The following MMP26 variants were observed in gnomAD, a reference collection of about 807,000 sequenced individuals.
The protein encoded by MMP26 is matrix metallopeptidase 26, also known as matrix metalloproteinase-26.
Under a neutral mutation model 31.0 loss-of-function variants are expected in MMP26, and 33 were observed. That is an observed-to-expected ratio of 1.06 (90% CI 0.81 to 1.42). MMP26 has a LOEUF of 1.42. MMP26 is among the 40% of genes most tolerant of loss of function. The probability of loss-of-function intolerance (pLI) is 0.00; values close to 1 mark genes in which losing one functional copy is unlikely to be tolerated. For missense variants in MMP26, 347 were observed against 316.1 expected, an observed-to-expected ratio of 1.10 and a Z score of -0.74; for synonymous variants, 122 against 114.9, an observed-to-expected ratio of 1.06 and a Z score of -0.40.
chr11:4,967,955 A>G (rs910513099), intron 2 of MMP26, among the ~76,000 whole-genome samples: 1 of 152,160 alleles, frequency 6.6e-6, no homozygotes, highest in Non-Finnish European at 1.5e-5. Context: ...AAAATAGGAC[A>G]TTGAAAGAAT....
intron 2 of MMP26, among the ~76,000 whole-genome samples, chr11:4,852,907 G>C (rs187355787): frequency 9.3e-4 from 141 of 152,258 alleles, no homozygotes; most frequent in African/African-American, 3.3e-3. Context: ...GCAACAGCAT[G>C]GATAAATATG....
intron 2 of MMP26, among the ~76,000 whole-genome samples, chr11:4,799,868 G>T (rs748370908): frequency 1.3e-5 from 2 of 152,312 alleles, no homozygotes; most frequent in South Asian, 4.1e-4. Context: ...AAACCTTAAA[G>T]CTCCAAAATA....
chr11:4,727,200 A>G (rs571642130), intron 1 of MMP26, among the ~76,000 whole-genome samples: 1 of 152,242 alleles, frequency 6.6e-6, no homozygotes, highest in South Asian at 2.1e-4. Context: ...AAAAACAAAA[A>G]CAAAAACTCC....
intron 2 of MMP26, among the ~76,000 whole-genome samples, chr11:4,984,116 T>C (rs1305452731): frequency 6.6e-6 from 1 of 152,146 alleles, no homozygotes; most frequent in Non-Finnish European, 1.5e-5. Flanking sequence ...TGGGGCATAC[T>C]GGGAGTTCCA....
intron 2 of MMP26, chr11:4,908,506 G>T (rs1235894852): frequency 1.8e-5 from 11 of 597,226 alleles, no homozygotes; most frequent in Middle Eastern, 4.4e-4. Context: ...AAGATATAGA[G>T]GTTTAATTAA....
At chr11:4,712,501 C>T (rs1486543631) in intron 1 of MMP26, 2 of 152,070 alleles carry the variant, frequency 1.3e-5, no homozygotes, top group Non-Finnish European at 2.9e-5. Flanking sequence ...AATATGCACT[C>T]ATTTCTAAGC....
intron 2 of MMP26, among the ~76,000 whole-genome samples, chr11:4,885,257 A>T (rs898966161): frequency 1.3e-5 from 2 of 152,102 alleles, no homozygotes; most frequent in African/African-American, 4.8e-5. Context: ...GAATGTGTTG[A>T]GAAATAGAAA....
In MMP26 at chr11:4,930,579, T is replaced by A. The variant is rs117273810; in HGVS notation, c.-144-57489T>A. ...TTCTGCCCCTTCTACTGCACACATA[T>A]AAAGACTTTGCCTTACTATGTCTTT... On this transcript the variant is annotated intron_variant, in intron 2 of 7. Transcript: ENST00000380390. 1.6e-3 allele frequency among the ~76,000 whole-genome samples: 241 copies of A among 152,182 alleles called. 3 individuals are homozygous for A. The East Asian group carries it at 0.024, about 15-fold the overall frequency.
At chr11:4,727,533 G>A (rs1210350958) in intron 1 of MMP26, among the ~76,000 whole-genome samples, 1 of 152,096 alleles carries the variant, frequency 6.6e-6, no homozygotes, top group Admixed American at 6.5e-5. Flanking sequence ...TACTTGGCTG[G>A]GCACGGTGGC....
At chr11:4,753,928 A>C (rs528095299) in intron 1 of MMP26, among the ~76,000 whole-genome samples, 1 of 152,038 alleles carries the variant, frequency 6.6e-6, no homozygotes, top group Non-Finnish European at 1.5e-5. Flanking sequence ...GCAAATAGTA[A>C]GCTTGTTTTG....
intron 2 of MMP26, among the ~76,000 whole-genome samples, chr11:4,853,319 T>C (rs1850001490): frequency 6.6e-6 from 1 of 152,160 alleles, no homozygotes; most frequent in African/African-American, 2.4e-5. Flanking sequence ...GGTATACATA[T>C]ATCAAAACAT....
intron 2 of MMP26, among the ~76,000 whole-genome samples, chr11:4,921,902 T>C (rs1168877040): frequency 3.3e-5 from 5 of 152,208 alleles, no homozygotes; most frequent in Non-Finnish European, 7.4e-5. Flanking sequence ...GTTACATAGA[T>C]ATATTGCATA....
intron 2 of MMP26, among the ~76,000 whole-genome samples, chr11:4,810,423 A>G (rs1178350475): frequency 1.3e-5 from 2 of 152,216 alleles, no homozygotes; most frequent in Admixed American, 6.5e-5. Flanking sequence ...ATATCAAATT[A>G]TGAATCATAA....
Position 4,917,076 on chromosome 11 carries a change from T to C in MMP26, c.-144-70992T>C, listed in dbSNP as rs1157985848. On this transcript the variant is annotated intron_variant, in intron 2 of 7. Coordinates refer to ENST00000380390, the MANE Select transcript of MMP26 (RefSeq NM_021801.5). ...CACTGGAATATGAGCTCAAAGAGGG[T>C]AGGGGCTTTTCTTTGTTTACCTCTA... 2.0e-5 allele frequency among the ~76,000 whole-genome samples: 3 copies of C among 152,138 alleles called. 1 individual carries two copies. The South Asian group carries it at 6.2e-4, about 31-fold the overall frequency.
At chr11:4,954,061 AT>A (rs1268917372) in intron 2 of MMP26, among the ~76,000 whole-genome samples, 5 of 125,836 alleles carry the variant, frequency 4.0e-5, no homozygotes, top group African/African-American at 1.1e-4. Context: ...CTCAAAAAAA[AT>A]TTCTTTATTG....
intron 2 of MMP26, among the ~76,000 whole-genome samples, chr11:4,891,681 T>C (rs1850624881): frequency 6.6e-6 from 1 of 152,194 alleles, no homozygotes; most frequent in Admixed American, 6.6e-5. Flanking sequence ...TTTTGTATGA[T>C]AATGATTACA....
At chr11:4,896,389 C>A (rs1850704230) in intron 2 of MMP26, among the ~76,000 whole-genome samples, 2 of 152,160 alleles carry the variant, frequency 1.3e-5, no homozygotes, top group Admixed American at 1.3e-4. Flanking sequence ...CCAGCTCTGC[C>A]ACCCTCTGTA....
chr11:4,982,420 C>G (rs940440417), intron 2 of MMP26, among the ~76,000 whole-genome samples: 2 of 152,106 alleles, frequency 1.3e-5, no homozygotes, highest in African/African-American at 4.8e-5. Flanking sequence ...TTGAATAACA[C>G]TGTTATGTGG....
intron 2 of MMP26, among the ~76,000 whole-genome samples, chr11:4,962,838 G>T (rs140692680): frequency 8.1e-4 from 123 of 152,220 alleles, no homozygotes; most frequent in African/African-American, 2.9e-3. Flanking sequence ...GGGTTGAGCT[G>T]GTGCAAAGGC....
Sources: gnomAD v4.1 joint callset for allele counts (sites outside exome capture counted in the v4.1 genomes callset) on GRCh38, gnomAD v4.1.1 for gene constraint, MANE v1.5 for transcripts, NCBI Gene and HGNC (gene_info 2026-07-23, HGNC 2026-07-21) for gene names.